The following RIMS2 variants were observed in gnomAD, a reference collection of about 807,000 sequenced individuals.
RIMS2 encodes regulating synaptic membrane exocytosis 2, also known as regulating synaptic membrane exocytosis protein 2.
Under a neutral mutation model 174.4 loss-of-function variants are expected in RIMS2, and 59 were observed. That is an observed-to-expected ratio of 0.34 (90% CI 0.27 to 0.42). The LOEUF is 0.42. Among genes scored for constraint, RIMS2 ranks in the 10% least tolerant of loss-of-function variants. The pLI, the probability that RIMS2 is intolerant of heterozygous loss-of-function variation, is 1.00. For missense variants in RIMS2, 1,620 were observed against 1,666.3 expected (o/e 0.97, Z 0.48); for synonymous variants, 606 against 572.5 (o/e 1.06, Z -0.84).
intron 22 of RIMS2, among the ~76,000 whole-genome samples, chr8:104,250,455 T>C (rs2140282426): frequency 6.6e-6 from 1 of 152,322 alleles, no homozygotes; most frequent in Non-Finnish European, 1.5e-5. Context: ...CAACTCACTC[T>C]GCTATAAAAA....
rs1456994739 is a variant in RIMS2 at position 103,610,561 on chromosome 8, A to C, written c.177-86525A>C. 2.6e-5 allele frequency among the ~76,000 whole-genome samples: 4 copies of C among 152,196 alleles called. No homozygotes were observed. The East Asian group carries it at 7.7e-4, about 29-fold the overall frequency. On this transcript the variant is annotated intron_variant, in intron 1 of 23. Transcript: ENST00000504942. ...ATGAAGGGATGTTGAATTTTATCAAAAACCTTTCCTGCCTCTATTGCGATA... is the reference window on the plus strand; with the variant it reads ...ATGAAGGGATGTTGAATTTTATCAACAACCTTTCCTGCCTCTATTGCGATA...
At chr8:103,953,127 T>C (rs996868756) in intron 14 of RIMS2, among the ~76,000 whole-genome samples, 1 of 152,216 alleles carries the variant, frequency 6.6e-6, no homozygotes, top group African/African-American at 2.4e-5. Context: ...CTATGTTTGA[T>C]TGGTGTACCT....
intron 19 of RIMS2, among the ~76,000 whole-genome samples, chr8:104,100,941 ATT>A (rs1171962220): frequency 8.8e-6 from 1 of 113,906 alleles, no homozygotes; most frequent in African/African-American, 4.2e-5. Context: ...TATATTATAT[ATT>A]ATATAGTATA....
intron 1 of RIMS2, among the ~76,000 whole-genome samples, chr8:103,602,982 C>G (rs943139894): frequency 6.6e-6 from 1 of 151,958 alleles, no homozygotes; most frequent in African/African-American, 2.4e-5. Flanking sequence ...TATTTTTTGA[C>G]TTTTTTATTT....
intron 19 of RIMS2, among the ~76,000 whole-genome samples, chr8:104,073,052 C>A (rs1412148587): frequency 6.6e-6 from 1 of 152,062 alleles, no homozygotes; most frequent in Non-Finnish European, 1.5e-5. Flanking sequence ...ATTTAAGGAT[C>A]AACGTATTTT....
intron 1 of RIMS2, among the ~76,000 whole-genome samples, chr8:103,554,188 C>T (rs374452363): frequency 9.9e-5 from 15 of 151,996 alleles, no homozygotes; most frequent in African/African-American, 3.4e-4. Flanking sequence ...AAAAAATGCA[C>T]CTTGACAAAT....
At chr8:103,535,771 G>A (rs796427996) in intron 1 of RIMS2, among the ~76,000 whole-genome samples, 2 of 152,324 alleles carry the variant, frequency 1.3e-5, no homozygotes, top group African/African-American at 4.8e-5. Context: ...TGAGATTCGA[G>A]TGATGAAGAG....
At chr8:103,866,628 T>C (rs909130745) in intron 3 of RIMS2, among the ~76,000 whole-genome samples, 1 of 152,118 alleles carries the variant, frequency 6.6e-6, no homozygotes, top group African/African-American at 2.4e-5. Context: ...CCATCATCTG[T>C]CAAAGATTTG....
chr8:103,893,216 G>A (rs1178773060), intron 4 of RIMS2, among the ~76,000 whole-genome samples: 1 of 151,980 alleles, frequency 6.6e-6, no homozygotes, highest in South Asian at 2.1e-4. Flanking sequence ...AAATAAGATA[G>A]CATTTTTTCT....
intron 1 of RIMS2, among the ~76,000 whole-genome samples, chr8:103,639,972 A>G (rs1456657373): frequency 6.6e-6 from 1 of 151,960 alleles, no homozygotes; most frequent in Non-Finnish European, 1.5e-5. Flanking sequence ...ATTCATGAAC[A>G]TGACATACTT....
At chr8:104,229,365 G>A (rs2099210314) in intron 19 of RIMS2, among the ~76,000 whole-genome samples, 1 of 143,970 alleles carries the variant, frequency 6.9e-6, no homozygotes, top group Non-Finnish European at 1.5e-5. Context: ...CTAATGCTGT[G>A]TATATATAAT....
At chr8:103,959,589 A>C (rs10110204) in intron 14 of RIMS2, among the ~76,000 whole-genome samples, 10,918 of 150,580 alleles carry the variant, frequency 0.073, 522 homozygotes, top group Non-Finnish European at 0.1. Context: ...TTCTTTTTTT[A>C]TTTTTTTGTA....
At chr8:104,041,190 C>G (rs1225542232) in intron 19 of RIMS2, 136 bp from the exon 22 acceptor site, 3 of 429,200 alleles carry the variant, frequency 7.0e-6, no homozygotes, top group Non-Finnish European at 1.3e-5. Context: ...TTATATCTTC[C>G]CTAAAACTGT....
chr8:104,035,554 T>C (rs2096495908), intron 19 of RIMS2, among the ~76,000 whole-genome samples: 1 of 151,870 alleles, frequency 6.6e-6, no homozygotes, highest in African/African-American at 2.4e-5. Flanking sequence ...TTTTGTAAAA[T>C]GTATCTTTAG....
intron 2 of RIMS2, among the ~76,000 whole-genome samples, chr8:103,737,993 A>G (rs189277690): frequency 1.3e-3 from 198 of 152,284 alleles, no homozygotes; most frequent in Non-Finnish European, 2.5e-3. Flanking sequence ...CTTCTCCACT[A>G]GACGATAAGT....
At chr8:103,946,614 G>A (rs1053011422) in intron 14 of RIMS2, among the ~76,000 whole-genome samples, 9 of 152,252 alleles carry the variant, frequency 5.9e-5, no homozygotes, top group South Asian at 2.1e-4. Flanking sequence ...AAATGAAAAA[G>A]AGATATAAAT....
At position 103,719,286 on chromosome 8, in the gene RIMS2, C is replaced by A. The variant is rs567564358; in HGVS notation, c.387+21990C>A. Among the ~76,000 whole-genome samples, 236 of 152,232 alleles carry A rather than the reference C, an allele frequency of 1.6e-3. 1 individual carries two copies. The highest frequency in any genetic ancestry group is 5.4e-3 in the African/African-American group (223 of 41,526). On this transcript the variant is annotated intron_variant, in intron 2 of 23. Coordinates refer to ENST00000504942, the Ensembl canonical transcript of RIMS2. ...TTTTCCCAATGTGAGAAAAATATTC[C>A]CTTCCCAAATTTGTTTCTGTCACCG...
intron 5 of RIMS2, among the ~76,000 whole-genome samples, chr8:103,910,837 A>C (rs747478636): frequency 6.6e-6 from 1 of 152,204 alleles, no homozygotes; most frequent in Non-Finnish European, 1.5e-5. Flanking sequence ...GTTATTAAAA[A>C]CCACAAATAA....
At chr8:104,155,484 G>A (rs1314406568) in intron 19 of RIMS2, among the ~76,000 whole-genome samples, 2 of 120,262 alleles carry the variant, frequency 1.7e-5, no homozygotes, top group East Asian at 4.8e-4. Flanking sequence ...CGCGATCTCG[G>A]CTCACTGCAA....
Sources: allele counts gnomAD v4.1 joint callset (sites outside exome capture counted in the v4.1 genomes callset), GRCh38; gene constraint gnomAD v4.1.1; transcripts MANE v1.5; gene names NCBI Gene and HGNC (gene_info 2026-07-23, HGNC 2026-07-21).